CFAP47: variants seen among roughly 807,000 people sequenced by gnomAD.
The protein encoded by CFAP47 is cilia- and flagella-associated protein 47.
Under a neutral mutation model 148.1 loss-of-function variants are expected in CFAP47, and 29 were observed. The ratio of observed to expected loss-of-function variants is 0.20; its 90% confidence interval spans 0.15 to 0.27. The LOEUF is 0.27. Ranked by LOEUF, CFAP47 falls within the 10% of genes least tolerant of loss-of-function variation. The pLI, the probability that CFAP47 is intolerant of heterozygous loss-of-function variation, is 1.00. For missense variants in CFAP47, 1,872 were observed against 1,697.5 expected (o/e 1.10, Z -1.81); for synonymous variants, 664 against 577.3 (o/e 1.15, Z -2.15).
intron 37 of CFAP47, among the ~76,000 whole-genome samples, chrX:36,157,556 A>G (rs1939383067): frequency 9.0e-6 from 1 of 111,325 alleles, no homozygotes; most frequent in Admixed American, 9.6e-5. Context: ...CTTTCAGACT[A>G]TGTCACACTC....
chrX:36,012,699 C>T (rs1445140220), intron 21 of CFAP47, among the ~76,000 whole-genome samples: 1 of 111,247 alleles, frequency 9.0e-6, no homozygotes, highest in Non-Finnish European at 1.9e-5. Context: ...AACATTAGGA[C>T]AAATACCTAA....
At chrX:36,223,209 CT>C (rs1229909382) in intron 45 of CFAP47, among the ~76,000 whole-genome samples, 9 of 109,504 alleles carry the variant, frequency 8.2e-5, no homozygotes, top group Non-Finnish European at 1.3e-4. Context: ...GCAAATTAAA[CT>C]TTTTTTTTAG....
At chrX:36,065,595 T>C in intron 26 of CFAP47, 48 bp from the exon 27 acceptor site, 1 of 736,648 alleles carries the variant, frequency 1.4e-6, no homozygotes. Flanking sequence ...TGGCATTTAC[T>C]GCATCTGAAA....
At chrX:36,047,355 A>G (rs1433831765) in intron 26 of CFAP47, among the ~76,000 whole-genome samples, 1 of 111,560 alleles carries the variant, frequency 9.0e-6, no homozygotes, top group Non-Finnish European at 1.9e-5. Context: ...AGCAGAACCT[A>G]TCCCATCTGT....
chrX:36,248,496 T>TCACACACACA (rs60595897), intron 48 of CFAP47, among the ~76,000 whole-genome samples: 1,732 of 95,409 alleles, frequency 0.018, 32 homozygotes, highest in African/African-American at 0.055. Context: ...ACATATTATA[T>TCACACACACA]CACACACACA....
intron 2 of CFAP47, among the ~76,000 whole-genome samples, chrX:35,940,755 G>T (rs1419329891): frequency 9.0e-6 from 1 of 111,265 alleles, no homozygotes; most frequent in African/African-American, 3.3e-5. Context: ...ATACTTAGGG[G>T]TACTTTTTAA....
chrX:36,033,090 G>A (rs1937299183), intron 23 of CFAP47, among the ~76,000 whole-genome samples: 1 of 112,032 alleles, frequency 8.9e-6, no homozygotes, highest in South Asian at 3.7e-4. Context: ...AATGATATTT[G>A]CGTTGGACTT....
chrX:36,212,887 T>C (rs1940118293), intron 45 of CFAP47, among the ~76,000 whole-genome samples: 1 of 110,541 alleles, frequency 9.0e-6, no homozygotes, highest in South Asian at 3.8e-4. Flanking sequence ...CCAAGGTGGG[T>C]AGATTGCTTG....
intron 57 of CFAP47, among the ~76,000 whole-genome samples, chrX:36,341,789 A>G (rs1368629306): frequency 2.7e-5 from 3 of 111,137 alleles, no homozygotes; most frequent in Non-Finnish European, 3.8e-5. Flanking sequence ...GATACTAAAC[A>G]TGATTTATTA....
intron 35 of CFAP47, among the ~76,000 whole-genome samples, chrX:36,142,623 G>A (rs2146835271): frequency 9.0e-6 from 1 of 111,609 alleles, no homozygotes; most frequent in South Asian, 3.7e-4. Context: ...AAATGTATAA[G>A]GAAAGGTAAG....
At chrX:36,085,684 T>C (rs908806892) in intron 30 of CFAP47, 146 bp downstream of exon 30, 2 of 199,709 alleles carry the variant, frequency 1.0e-5, no homozygotes, top group African/African-American at 6.4e-5. Flanking sequence ...TACACACACG[T>C]ATATATATAT....
At chrX:36,360,291 C>T (rs1941818148) in intron 60 of CFAP47, among the ~76,000 whole-genome samples, 1 of 111,522 alleles carries the variant, frequency 9.0e-6, no homozygotes, top group South Asian at 3.8e-4. Context: ...AGTAGCTTGC[C>T]TTTGACTTTC....
chrX:36,315,931 A>C (rs1346673586), intron 56 of CFAP47, among the ~76,000 whole-genome samples: 1 of 111,305 alleles, frequency 9.0e-6, no homozygotes, highest in South Asian at 3.8e-4. Context: ...TTCTGAGGAA[A>C]CCCCAACTAA....
intron 3 of CFAP47, among the ~76,000 whole-genome samples, chrX:35,943,367 A>G (rs928888700): frequency 8.9e-6 from 1 of 111,896 alleles, no homozygotes; most frequent in African/African-American, 3.2e-5. Flanking sequence ...TAACATTTCC[A>G]CATCTTTGTT....
At chrX:36,255,330 G>GA (rs1940737180) in intron 49 of CFAP47, among the ~76,000 whole-genome samples, 1 of 112,100 alleles carries the variant, frequency 8.9e-6, no homozygotes, top group African/African-American at 3.2e-5. Context: ...ACACTTGTGG[G>GA]AAAAAAAGGT....
At chrX:35,949,502 G>A (rs1007380678) in intron 4 of CFAP47, among the ~76,000 whole-genome samples, 2 of 111,707 alleles carry the variant, frequency 1.8e-5, no homozygotes, top group African/African-American at 6.5e-5. Flanking sequence ...GGTTGTAGAA[G>A]TAGATTTGAC....
At chrX:36,205,149 G>A (rs1940026043) in intron 45 of CFAP47, 39 bp downstream of exon 45, 2 of 294,366 alleles carry the variant, frequency 6.8e-6, no homozygotes, top group East Asian at 4.8e-5. Context: ...TAAGTGTTCC[G>A]GGAATGATGA....
chrX:36,006,750 G>A (rs770325624), intron 21 of CFAP47, among the ~76,000 whole-genome samples: 3 of 111,894 alleles, frequency 2.7e-5, no homozygotes, highest in African/African-American at 9.7e-5. Context: ...TTTTCTGTAA[G>A]TCACTCAAGC....
intron 29 of CFAP47, among the ~76,000 whole-genome samples, chrX:36,074,128 C>A (rs1291495128): frequency 8.9e-6 from 1 of 111,910 alleles, no homozygotes; most frequent in Non-Finnish European, 1.9e-5. Flanking sequence ...ATTAATAGGA[C>A]AAACCTAGCT....
Sources: gnomAD v4.1 joint callset for allele counts (sites outside exome capture counted in the v4.1 genomes callset) on GRCh38, gnomAD v4.1.1 for gene constraint, MANE v1.5 for transcripts, NCBI Gene and HGNC (gene_info 2026-07-23, HGNC 2026-07-21) for gene names.